The following NDUFS4 variants were observed in gnomAD, a reference collection of about 807,000 sequenced individuals.
The protein encoded by NDUFS4 is NADH dehydrogenase [ubiquinone] iron-sulfur protein 4, mitochondrial.
In NDUFS4, 28 loss-of-function variants were observed where a neutral mutation model predicts 24.3. That is an observed-to-expected ratio of 1.15 (90% CI 0.85 to 1.58). The LOEUF (loss-of-function observed/expected upper bound fraction) is 1.58. Ranked by LOEUF, NDUFS4 falls within the 40% of genes most tolerant of loss-of-function variation. The probability of loss-of-function intolerance (pLI) is 0.00; values close to 1 mark genes in which losing one functional copy is unlikely to be tolerated. For synonymous variants in NDUFS4, 93 were observed against 69.7 expected, an observed-to-expected ratio of 1.34 and a Z score of -1.67; for missense variants, 223 against 207.9, an observed-to-expected ratio of 1.07 and a Z score of -0.45.
intron 1 of NDUFS4, among the ~76,000 whole-genome samples, chr5:53,587,314 A>G (rs962141878): frequency 6.6e-6 from 1 of 152,138 alleles, no homozygotes; most frequent in African/African-American, 2.4e-5. Flanking sequence ...TGTAATTTTC[A>G]TGTTGCTTTC....
intron 4 of NDUFS4, among the ~76,000 whole-genome samples, chr5:53,676,759 A>G (rs1740481784): frequency 6.6e-6 from 1 of 152,220 alleles, no homozygotes; most frequent in Non-Finnish European, 1.5e-5. Flanking sequence ...ATTTTTTGAC[A>G]TTCTCCACAT....
intron 4 of NDUFS4, among the ~76,000 whole-genome samples, chr5:53,669,058 T>C (rs1225669509): frequency 1.3e-5 from 2 of 152,182 alleles, no homozygotes; most frequent in Admixed American, 6.5e-5. Flanking sequence ...GCTTTTTGGC[T>C]ACAGTGGTAG....
intron 1 of NDUFS4, among the ~76,000 whole-genome samples, chr5:53,589,644 A>C (rs1205272704): frequency 6.6e-6 from 1 of 152,212 alleles, no homozygotes; most frequent in Non-Finnish European, 1.5e-5. Flanking sequence ...TGAAGGATGC[A>C]AAGTATTGAT....
chr5:53,601,666 C>G (rs995617132), intron 1 of NDUFS4, among the ~76,000 whole-genome samples: 1 of 152,000 alleles, frequency 6.6e-6, no homozygotes, highest in Non-Finnish European at 1.5e-5. Context: ...GTGGAAAATT[C>G]CCAAAACAAA....
chr5:53,598,081 G>A (rs769535144), intron 1 of NDUFS4, among the ~76,000 whole-genome samples: 1 of 152,172 alleles, frequency 6.6e-6, no homozygotes, highest in Non-Finnish European at 1.5e-5. Context: ...TAGAACGACT[G>A]CAATCCAAAA....
chr5:53,588,291 C>T (rs1749833857), intron 1 of NDUFS4, among the ~76,000 whole-genome samples: 1 of 152,138 alleles, frequency 6.6e-6, no homozygotes, highest in Non-Finnish European at 1.5e-5. Context: ...GGTTCTCTTT[C>T]CTCTCTTGCC....
At chr5:53,682,618 T>A (rs1740703698) in intron 4 of NDUFS4, among the ~76,000 whole-genome samples, 1 of 152,074 alleles carries the variant, frequency 6.6e-6, no homozygotes, top group Non-Finnish European at 1.5e-5. Flanking sequence ...CCTCTCATGG[T>A]CCACTTCAAC....
chr5:53,572,058 A>T (rs916504951), intron 1 of NDUFS4, among the ~76,000 whole-genome samples: 1 of 152,222 alleles, frequency 6.6e-6, no homozygotes. Context: ...GGGAGCTTTC[A>T]TAAGGAGATA....
chr5:53,683,180 A>T lies in NDUFS4; in HGVS notation c.487A>T (p.Asn163Tyr). The change falls in exon 5 of 5, where the codon AAC becomes TAC. Residue 163 changes from asparagine to tyrosine, a missense_variant. Asn to Tyr is a moderately radical substitution (Grantham distance 143). Coordinates refer to ENST00000296684, the MANE Select transcript of NDUFS4 (RefSeq NM_002495.4). ...PKPKSKSYGANFSWNKRTRVS... is the reference protein window; with the variant it reads ...PKPKSKSYGAYFSWNKRTRVS... ...ACCCAAGTCCAAGTCTTATGGTGCAAACTTTTCTTGGAACAAAAGAACAAG... is the reference window on the plus strand; with the variant it reads ...ACCCAAGTCCAAGTCTTATGGTGCATACTTTTCTTGGAACAAAAGAACAAG... 1.2e-6 allele frequency: 2 copies of T among 1,612,396 alleles called. No individual in the cohort carries two copies. Among genetic ancestry groups the T allele is most frequent in the East Asian group, 4.5e-5 (2 of 44,796 alleles).
intron 1 of NDUFS4, among the ~76,000 whole-genome samples, chr5:53,589,631 G>A (rs1465964711): frequency 1.3e-5 from 2 of 152,168 alleles, no homozygotes; most frequent in Non-Finnish European, 2.9e-5. Flanking sequence ...ACCTTGATTG[G>A]ATTGAAGGAT....
intron 1 of NDUFS4, among the ~76,000 whole-genome samples, chr5:53,568,272 G>C (rs1038489889): frequency 1.2e-4 from 18 of 151,850 alleles, no homozygotes; most frequent in Admixed American, 7.2e-4. Context: ...TATCTGTTGG[G>C]TGCCTAAAAA....
At chr5:53,608,231 C>G (rs6859081) in intron 2 of NDUFS4, among the ~76,000 whole-genome samples, 89 of 152,238 alleles carry the variant, frequency 5.8e-4, no homozygotes, top group African/African-American at 2.1e-3. Flanking sequence ...TTTTAAAACA[C>G]TTTATTGCTC....
intron 3 of NDUFS4, among the ~76,000 whole-genome samples, chr5:53,651,720 G>A (rs1752020141): frequency 6.7e-6 from 1 of 149,810 alleles, no homozygotes; most frequent in East Asian, 2.0e-4. Context: ...GAATATATTT[G>A]TTTCCAAAGC....
rs796960315 is a variant in NDUFS4 at position 53,572,957 on chromosome 5, G to GT, written c.98+12209dup. Among the ~76,000 whole-genome samples the GT allele has an allele frequency of 6.2e-3, 637 of 103,224 alleles. 12 individuals are homozygous for GT. Among genetic ancestry groups the GT allele is most frequent in the East Asian group, 0.017 (63 of 3,798 alleles). 67.7% of individuals were successfully genotyped at this position (103,224 alleles called of 152,430 possible). A position where few individuals can be genotyped will look rare whatever the true frequency, so the allele number is the denominator to read the frequency against. ...CCGTGCCTGGCCTTTGTTGTTTTTTGTTTTTTTTTTTTGTTTTTTTTTTTT... is the reference window on the plus strand; with the variant it reads ...CCGTGCCTGGCCTTTGTTGTTTTTTGTTTTTTTTTTTTTGTTTTTTTTTTTT... On this transcript the variant is annotated intron_variant, in intron 1 of 4. Coordinates refer to ENST00000296684, the MANE Select transcript of NDUFS4 (RefSeq NM_002495.4).
At chr5:53,680,630 G>A (rs1195072826) in intron 4 of NDUFS4, among the ~76,000 whole-genome samples, 1 of 151,948 alleles carries the variant, frequency 6.6e-6, no homozygotes, top group African/African-American at 2.4e-5. Flanking sequence ...TCACTCATAG[G>A]TGGGAATTGA....
intron 2 of NDUFS4, among the ~76,000 whole-genome samples, chr5:53,643,189 C>T (rs946466039): frequency 6.6e-6 from 1 of 151,790 alleles, no homozygotes; most frequent in African/African-American, 2.4e-5. Flanking sequence ...GCTTTTCATA[C>T]CTATGTGATT....
intron 1 of NDUFS4, among the ~76,000 whole-genome samples, chr5:53,582,582 C>T (rs10045794): frequency 2.0e-5 from 3 of 152,196 alleles, no homozygotes; most frequent in Non-Finnish European, 4.4e-5. Flanking sequence ...GTATCCCTGG[C>T]CGGGAATTAA....
chr5:53,609,616 C>T (rs559243207), intron 2 of NDUFS4, among the ~76,000 whole-genome samples: 38 of 152,228 alleles, frequency 2.5e-4, no homozygotes, highest in African/African-American at 8.4e-4. Context: ...GCTTTGAAGC[C>T]AGGCGTTGAC....
At chr5:53,660,799 T>G (rs1393337945) in intron 4 of NDUFS4, among the ~76,000 whole-genome samples, 1 of 152,250 alleles carries the variant, frequency 6.6e-6, no homozygotes, top group African/African-American at 2.4e-5. Context: ...AAATGTCTTC[T>G]TTTGAGAAGT....
Sources: gnomAD v4.1 joint callset for allele counts (sites outside exome capture counted in the v4.1 genomes callset) on GRCh38, gnomAD v4.1.1 for gene constraint, MANE v1.5 for transcripts, NCBI Gene and HGNC (gene_info 2026-07-23, HGNC 2026-07-21) for gene names.